ENTPD1: variants seen among roughly 807,000 people sequenced by gnomAD.
The protein encoded by ENTPD1 is ectonucleoside triphosphate diphosphohydrolase 1.
A neutral mutation model predicts 57.0 loss-of-function variants in ENTPD1; 33 were observed. The observed-to-expected ratio is 0.58, with a 90% CI of 0.44 to 0.77. ENTPD1 has a LOEUF of 0.77. Among genes scored for constraint, ENTPD1 ranks in the 30% least tolerant of loss-of-function variants. The probability of loss-of-function intolerance (pLI) is 0.00; values close to 1 mark genes in which losing one functional copy is unlikely to be tolerated. For synonymous variants in ENTPD1, 202 were observed against 218.8 expected (o/e 0.92, Z 0.68); for missense variants, 501 against 603.4 (o/e 0.83, Z 1.78).
intron 1 of ENTPD1, among the ~76,000 whole-genome samples, chr10:95,716,101 A>G (rs144022496): frequency 0.015 from 2,257 of 152,294 alleles, 28 homozygotes; most frequent in Middle Eastern, 0.045. Context: ...CTTGGTCTCT[A>G]GCAATCCTCC....
chr10:95,760,814 C>CTTTTTTTTTATT (rs2098055852), intron 1 of ENTPD1, among the ~76,000 whole-genome samples: 1 of 62,956 alleles, frequency 1.6e-5, no homozygotes, highest in Non-Finnish European at 2.8e-5. Flanking sequence ...AGAGTTTATT[C>CTTTTTTTTTATT]TTTTTTTTTT....
At chr10:95,821,348 C>T (rs899369527) in intron 1 of ENTPD1, among the ~76,000 whole-genome samples, 4 of 152,234 alleles carry the variant, frequency 2.6e-5, no homozygotes, top group Admixed American at 1.3e-4. Context: ...CAAGGACTCA[C>T]GTTCTCTACA....
chr10:95,855,936 A>G (rs1273622761), intron 7 of ENTPD1, among the ~76,000 whole-genome samples: 1 of 151,994 alleles, frequency 6.6e-6, no homozygotes, highest in Admixed American at 6.6e-5. Flanking sequence ...CTTCTCGAGG[A>G]GTATCTTTGT....
intron 1 of ENTPD1, among the ~76,000 whole-genome samples, chr10:95,765,497 T>A (rs1173358030): frequency 1.3e-5 from 2 of 152,242 alleles, no homozygotes; most frequent in Non-Finnish European, 2.9e-5. Flanking sequence ...CAATTTCCCA[T>A]AAGTGTGAGC....
In ENTPD1 at chr10:95,810,073, C is replaced by T. The variant is rs550419211; in HGVS notation, c.17-13164C>T. Reference sequence around the variant, plus strand: ...CTCACTTCCCAGACAGGGTCGCGGTCGGGCAGAGGCACTCCTCACCTCCCG... The same window carrying T: ...CTCACTTCCCAGACAGGGTCGCGGTTGGGCAGAGGCACTCCTCACCTCCCG... On this transcript the variant is annotated intron_variant, in intron 1 of 9. Transcript: ENST00000371205. Among the ~76,000 whole-genome samples, 217 of 125,482 alleles carry T rather than the reference C, an allele frequency of 1.7e-3. 2 individuals are homozygous for T. Among genetic ancestry groups the T allele is most frequent in the Admixed American group, 3.3e-3 (40 of 12,168 alleles). The allele number at this position is 125,482 out of a possible 152,430, so 82.3% of individuals were successfully genotyped here.
At position 95,867,246 on chromosome 10, in the gene ENTPD1, T is replaced by C. The variant is rs2098475513; in HGVS notation, c.*863T>C. On this transcript the variant is annotated 3_prime_UTR_variant, in exon 10 of 10. Coordinates refer to ENST00000371205, the MANE Select transcript of ENTPD1 (RefSeq NM_001776.6). ...ATAAATATAATTCACCATTTTAACA[T>C]TTAATTCATATTAAATACGTACAAA... 4.1e-6 allele frequency: 4 copies of C among 976,786 alleles called. No individual in the cohort carries two copies. Among genetic ancestry groups the C allele is most frequent in the Non-Finnish European group, 4.9e-6 (4 of 822,038 alleles). 60.5% of individuals were successfully genotyped at this position (976,786 alleles called of 1,614,324 possible).
At chr10:95,772,578 T>C (rs550018411) in intron 1 of ENTPD1, among the ~76,000 whole-genome samples, 2 of 152,324 alleles carry the variant, frequency 1.3e-5, no homozygotes, top group South Asian at 4.1e-4. Flanking sequence ...CAGGCTCCAC[T>C]ACTAATTCTA....
At chr10:95,709,639 C>T (rs2097963969), upstream of ENTPD1, among the ~76,000 whole-genome samples, 1 of 152,196 alleles carries the variant, frequency 6.6e-6, no homozygotes, top group South Asian at 2.1e-4. Context: ...CGGCCTTGGC[C>T]TCCCAAGTGC....
At chr10:95,853,429 C>T (rs966903247) in intron 7 of ENTPD1, among the ~76,000 whole-genome samples, 11 of 152,154 alleles carry the variant, frequency 7.2e-5, no homozygotes, top group Non-Finnish European at 1.0e-4. Flanking sequence ...TTATTTCCTT[C>T]TCCTGCCTGA....
At chr10:95,729,664 A>C (rs566819949) in intron 1 of ENTPD1, among the ~76,000 whole-genome samples, 2 of 152,318 alleles carry the variant, frequency 1.3e-5, no homozygotes, top group East Asian at 3.9e-4. Context: ...CCCTTTTATG[A>C]AATTTCTAAT....
Position 95,871,673 on chromosome 10 carries a change from A to G in ENTPD1, c.*5290A>G, listed in dbSNP as rs2098480609. ...ATTGCTATGTCTTTTGCATTGCTCT[A>G]TTTTACATAAATTAAGTTATAAATT... On this transcript the variant is annotated 3_prime_UTR_variant, in exon 10 of 10. Transcript: ENST00000371205. 2.0e-6 allele frequency: 2 copies of G among 985,370 alleles called. No homozygotes were observed. The highest frequency in any genetic ancestry group is 2.4e-6 in the Non-Finnish European group (2 of 829,888). The allele number at this position is 985,370 out of a possible 1,614,324, so 61.0% of individuals were successfully genotyped here. A position where few individuals can be genotyped will look rare whatever the true frequency, so the allele number is the denominator to read the frequency against.
intron 1 of ENTPD1, among the ~76,000 whole-genome samples, chr10:95,744,118 A>G (rs1362169897): frequency 6.7e-6 from 1 of 149,804 alleles, no homozygotes; most frequent in Non-Finnish European, 1.5e-5. Context: ...CTCTAACGTT[A>G]ATCCATTACC....
At chr10:95,743,997 CATATATATAT>C (rs57187898) in intron 1 of ENTPD1, among the ~76,000 whole-genome samples, 14,931 of 80,988 alleles carry the variant, frequency 0.18, 1,256 homozygotes, top group Middle Eastern at 0.24. Flanking sequence ...TATTTTAAAC[CATATATATAT>C]ATATATATAT....
chr10:95,854,504 AGTTCTTTTAATTGTGAT>A (rs1244241256), intron 7 of ENTPD1, among the ~76,000 whole-genome samples: 1 of 152,002 alleles, frequency 6.6e-6, no homozygotes, highest in East Asian at 1.9e-4. Flanking sequence ...TTGCTTCTCT[AGTTCTTTTAATTGTGAT>A]GTTAGGTTGT....
chr10:95,826,571 CAAAAAAAA>C (rs35615283), intron 2 of ENTPD1, among the ~76,000 whole-genome samples: 1 of 107,988 alleles, frequency 9.3e-6, no homozygotes. Flanking sequence ...GACGCCAACT[CAAAAAAAA>C]AAAAAAAAAA....
At chr10:95,860,019 C>T (rs1375793448) in intron 7 of ENTPD1, among the ~76,000 whole-genome samples, 3 of 152,104 alleles carry the variant, frequency 2.0e-5, no homozygotes, top group South Asian at 2.1e-4. Flanking sequence ...GAAAGCAGTA[C>T]ATATTCATTA....
chr10:95,727,413 A>G (rs2097984816), intron 1 of ENTPD1, among the ~76,000 whole-genome samples: 1 of 152,182 alleles, frequency 6.6e-6, no homozygotes, highest in Non-Finnish European at 1.5e-5. Flanking sequence ...GAAGTTGTCT[A>G]GGAAATCCCT....
chr10:95,778,705 G>A (rs773787398), intron 1 of ENTPD1, among the ~76,000 whole-genome samples: 2 of 151,870 alleles, frequency 1.3e-5, no homozygotes. Flanking sequence ...AAATAAAATT[G>A]TACACTTTTT....
intron 1 of ENTPD1, among the ~76,000 whole-genome samples, chr10:95,779,051 T>G (rs1247046827): frequency 6.6e-6 from 1 of 152,194 alleles, no homozygotes; most frequent in Non-Finnish European, 1.5e-5. Context: ...GGATTCTCTG[T>G]TGAATCCTTA....
Sources: allele counts gnomAD v4.1 joint callset (sites outside exome capture counted in the v4.1 genomes callset), GRCh38; gene constraint gnomAD v4.1.1; transcripts MANE v1.5; gene names NCBI Gene and HGNC (gene_info 2026-07-23, HGNC 2026-07-21).